Variants in DLG2 observed in about 807,000 individuals in gnomAD.
The protein encoded by DLG2 is disks large homolog 2.
DLG2 carries 45 observed loss-of-function variants against 132.5 expected under a neutral mutation model. That is an observed-to-expected ratio of 0.34 (90% CI 0.27 to 0.44). DLG2 has a LOEUF of 0.44. Among genes scored for constraint, DLG2 ranks in the 20% least tolerant of loss-of-function variants. DLG2 has a pLI of 1.00. For synonymous variants in DLG2, 424 were observed against 419.6 expected (o/e 1.01, Z -0.13); for missense variants, 1,045 against 1,196.9 (o/e 0.87, Z 1.87).
intron 3 of DLG2, among the ~76,000 whole-genome samples, chr11:85,504,483 T>C (rs1226921720): frequency 6.6e-6 from 1 of 152,210 alleles, no homozygotes; most frequent in Non-Finnish European, 1.5e-5. Context: ...CTTTCCCCAT[T>C]TCTTGTTTTT....
chr11:84,777,281 G>GTGTATATATA (rs1218190517), intron 6 of DLG2, among the ~76,000 whole-genome samples: 36 of 95,004 alleles, frequency 3.8e-4, no homozygotes, highest in Admixed American at 6.3e-4. Context: ...ATGTGTGTGT[G>GTGTATATATA]TATATATATA....
At chr11:84,203,631 A>G (rs2096627072) in intron 8 of DLG2, among the ~76,000 whole-genome samples, 1 of 150,416 alleles carries the variant, frequency 6.6e-6, no homozygotes, top group African/African-American at 2.4e-5. Flanking sequence ...CAGCAGGGAC[A>G]TGGATGGAGC....
chr11:83,811,804 A>G (rs1055395644), intron 17 of DLG2, among the ~76,000 whole-genome samples: 1 of 152,118 alleles, frequency 6.6e-6, no homozygotes, highest in Non-Finnish European at 1.5e-5. Flanking sequence ...TAATGAGCTG[A>G]AAGTTGTTCT....
chr11:84,445,852 C>A (rs2099032566), intron 7 of DLG2, among the ~76,000 whole-genome samples: 1 of 140,392 alleles, frequency 7.1e-6, no homozygotes, highest in South Asian at 2.3e-4. Context: ...GGAGGCGGAG[C>A]TTGCAGTGAG....
At chr11:84,799,786 G>GTAGCCTTC (rs2075141537) in intron 6 of DLG2, among the ~76,000 whole-genome samples, 1 of 152,162 alleles carries the variant, frequency 6.6e-6, no homozygotes, top group Non-Finnish European at 1.5e-5. Context: ...TATTTCCTGA[G>GTAGCCTTC]TAGCCTTCTC....
intron 15 of DLG2, among the ~76,000 whole-genome samples, chr11:83,895,539 C>T (rs768936387): frequency 3.3e-5 from 5 of 152,156 alleles, no homozygotes; most frequent in Non-Finnish European, 5.9e-5. Flanking sequence ...TTCCAAACAT[C>T]TTTTATTTTG....
intron 6 of DLG2, among the ~76,000 whole-genome samples, chr11:84,754,652 G>A (rs1289684464): frequency 6.6e-6 from 1 of 152,124 alleles, no homozygotes; most frequent in Admixed American, 6.5e-5. Flanking sequence ...ATTTGACTAA[G>A]CAGAGAATAA....
At chr11:84,361,750 T>A (rs146235187) in intron 7 of DLG2, among the ~76,000 whole-genome samples, 1 of 151,966 alleles carries the variant, frequency 6.6e-6, no homozygotes, top group Admixed American at 6.6e-5. Flanking sequence ...ATGACTTACA[T>A]AGAGAAATAA....
intron 18 of DLG2, among the ~76,000 whole-genome samples, chr11:83,696,653 A>G (rs2082001281): frequency 1.3e-5 from 2 of 152,232 alleles, no homozygotes; most frequent in African/African-American, 4.8e-5. Context: ...AACAGAAATG[A>G]CCAAGATGTG....
intron 6 of DLG2, among the ~76,000 whole-genome samples, chr11:85,085,936 C>G (rs1219674958): frequency 6.6e-6 from 1 of 152,120 alleles, no homozygotes; most frequent in African/African-American, 2.4e-5. Context: ...GTAATTAAAA[C>G]AAGCTCTATG....
At chr11:84,410,151 G>T (rs2098891927) in intron 7 of DLG2, among the ~76,000 whole-genome samples, 1 of 152,206 alleles carries the variant, frequency 6.6e-6, no homozygotes, top group Admixed American at 6.5e-5. Flanking sequence ...CAACAAACAT[G>T]TGAAGTGGGT....
Position 84,339,055 on chromosome 11 carries a change from T to C in DLG2, c.520-87764A>G, listed in dbSNP as rs190774727. 1.2e-3 allele frequency among the ~76,000 whole-genome samples: 190 copies of C among 152,322 alleles called. No homozygotes were observed. In the Middle Eastern group the frequency reaches 0.014, roughly 11 times the overall value. On this transcript the variant is annotated intron_variant, in intron 7 of 27. Transcript: ENST00000376104. ...TTTATTTCATTAAATATTCAAGAGC[T>C]CTATATCTTGAGCATGTACATTTAC...
At chr11:84,281,966 C>A (rs917620913) in intron 7 of DLG2, among the ~76,000 whole-genome samples, 6 of 152,084 alleles carry the variant, frequency 3.9e-5, no homozygotes, top group Non-Finnish European at 8.8e-5. Context: ...GTATTTTTTT[C>A]TTAAGTTAAA....
intron 7 of DLG2, among the ~76,000 whole-genome samples, chr11:84,523,262 A>G (rs1016942940): frequency 6.6e-6 from 1 of 152,220 alleles, no homozygotes; most frequent in African/African-American, 2.4e-5. Flanking sequence ...TCCACGTATT[A>G]TCTCAAGTAA....
intron 18 of DLG2, among the ~76,000 whole-genome samples, chr11:83,723,918 C>T (rs1186583771): frequency 6.6e-6 from 1 of 152,106 alleles, no homozygotes; most frequent in African/African-American, 2.4e-5. Flanking sequence ...AAAATAGTTA[C>T]TACTACCATT....
intron 7 of DLG2, among the ~76,000 whole-genome samples, chr11:84,339,053 G>C (rs564619595): frequency 6.6e-6 from 1 of 152,194 alleles, no homozygotes; most frequent in South Asian, 2.1e-4. Flanking sequence ...ATATTCAAGA[G>C]CTCTATATCT....
At chr11:83,968,775 T>C (rs894010125) in intron 12 of DLG2, among the ~76,000 whole-genome samples, 4 of 152,266 alleles carry the variant, frequency 2.6e-5, no homozygotes, top group African/African-American at 4.8e-5. Flanking sequence ...CCAGAAACCA[T>C]GCTGTTAACC....
At chr11:85,416,352 G>C (rs286042) in intron 3 of DLG2, among the ~76,000 whole-genome samples, 99,030 of 151,978 alleles carry the variant, frequency 0.65, 32,751 homozygotes, top group Middle Eastern at 0.72. Flanking sequence ...TAGCCTTGTA[G>C]TATAGTTTGA....
At chr11:85,123,337 A>C (rs1175609354) in intron 5 of DLG2, among the ~76,000 whole-genome samples, 1 of 152,012 alleles carries the variant, frequency 6.6e-6, no homozygotes, top group East Asian at 1.9e-4. Context: ...ATAGGAGTGG[A>C]AAGATAGGAA....
Sources: allele counts gnomAD v4.1 joint callset (sites outside exome capture counted in the v4.1 genomes callset), GRCh38; gene constraint gnomAD v4.1.1; transcripts MANE v1.5; gene names NCBI Gene and HGNC (gene_info 2026-07-23, HGNC 2026-07-21).